The following AGR2 variants were observed in gnomAD, a reference collection of about 807,000 sequenced individuals.
AGR2 encodes anterior gradient protein 2 homolog.
AGR2 carries 27 observed loss-of-function variants against 25.9 expected under a neutral mutation model. That is an observed-to-expected ratio of 1.04 (90% CI 0.77 to 1.44). AGR2 has a LOEUF of 1.44. AGR2 is among the 40% of genes most tolerant of loss of function. The probability of loss-of-function intolerance (pLI) is 0.00; values close to 1 mark genes in which losing one functional copy is unlikely to be tolerated. For missense variants in AGR2, 182 were observed against 200.9 expected (o/e 0.91, Z 0.57); for synonymous variants, 78 against 72.0 (o/e 1.08, Z -0.42).
chr7:16,803,038 C>G (rs1020138715), intron 1 of AGR2: 1 of 152,038 alleles, frequency 6.6e-6, no homozygotes, highest in Non-Finnish European at 1.5e-5. Context: ...TTTTGTCATG[C>G]TGCCCAGGCT....
intron 7 of AGR2, chr7:16,794,630 G>C (rs1785013219): frequency 1.8e-6 from 1 of 562,068 alleles, no homozygotes. Context: ...TTCTGTGATA[G>C]AAGGAGTGTG....
chr7:16,800,170 TAAAC>T (rs752403077), intron 4 of AGR2, among the ~76,000 whole-genome samples: 3 of 152,208 alleles, frequency 2.0e-5, no homozygotes, highest in Admixed American at 6.5e-5. Context: ...AGACAAACCA[TAAAC>T]AAAGAAATAA....
At chr7:16,800,090 T>G (rs1785116105) in intron 4 of AGR2, among the ~76,000 whole-genome samples, 1 of 151,800 alleles carries the variant, frequency 6.6e-6, no homozygotes, top group Non-Finnish European at 1.5e-5. Flanking sequence ...CACTGTGTTC[T>G]GTACTAGGGA....
chr7:16,796,706 TTTA>T (rs1785050562), intron 6 of AGR2, among the ~76,000 whole-genome samples: 1 of 152,208 alleles, frequency 6.6e-6, no homozygotes, highest in African/African-American at 2.4e-5. Context: ...GTGGGAAATA[TTTA>T]TTACATAACC....
chr7:16,794,839 G>A (rs1029427097), intron 7 of AGR2, 97 bp downstream of exon 7: 2 of 1,587,040 alleles, frequency 1.3e-6, no homozygotes, highest in Admixed American at 1.8e-5. Context: ...CCTAAGCCTA[G>A]CTCTCTCTCA....
chr7:16,794,903 T>C, intron 7 of AGR2, 33 bp downstream of exon 7: 1 of 1,613,990 alleles, frequency 6.2e-7, no homozygotes, highest in African/African-American at 1.3e-5. Flanking sequence ...TGTTCAACTC[T>C]TGGGCAACAT....
intron 5 of AGR2, among the ~76,000 whole-genome samples, chr7:16,798,758 C>T (rs921493053): frequency 3.3e-5 from 5 of 152,074 alleles, no homozygotes; most frequent in Non-Finnish European, 5.9e-5. Flanking sequence ...AAGCACAGGG[C>T]TTATTGCATG....
chr7:16,801,156 CTGTG>C lies in AGR2; in HGVS notation c.247_250del (p.His83ValfsTer4), dbSNP rs1414327948. On this transcript the variant is annotated frameshift_variant, in exon 4 of 8. Coordinates refer to ENST00000419304, the MANE Select transcript of AGR2 (RefSeq NM_006408.4). LOFTEE classifies it high-confidence loss of function. ...TACTTAGAAGAATAAATTACCTTGA[CTGTG>C]TGGGCACTCATCCAAGTGATGAATA... 1.2e-6 allele frequency: 2 copies of C among 1,613,374 alleles called. No individual in the cohort carries two copies. Among genetic ancestry groups the C allele is most frequent in the Non-Finnish European group, 1.7e-6 (2 of 1,179,604 alleles).
chr7:16,804,154 A>G (rs532238541), intron 1 of AGR2, among the ~76,000 whole-genome samples: 91 of 152,188 alleles, frequency 6.0e-4, no homozygotes, highest in African/African-American at 2.1e-3. Context: ...GATTCACTCC[A>G]CTGAGTTTTC....
intron 2 of AGR2, 24 bp downstream of exon 2, chr7:16,801,634 A>C: frequency 6.2e-7 from 1 of 1,613,872 alleles, no homozygotes; most frequent in Non-Finnish European, 8.5e-7. Context: ...AGCAGTTGGA[A>C]GCCAACAAGA....
chr7:16,792,690 C>A lies in AGR2; in HGVS notation c.*218G>T. The A allele has an allele frequency of 6.3e-6, 3 of 477,552 alleles. No individual in the cohort carries two copies. The highest frequency in any genetic ancestry group is 3.7e-6 in the Non-Finnish European group (1 of 268,986). The allele number at this position is 477,552 out of a possible 1,614,324, so 29.6% of individuals were successfully genotyped here. A position where few individuals can be genotyped will look rare whatever the true frequency, so the allele number is the denominator to read the frequency against. ...ACATTTATTTTTTTTTTTAGAAAATCATGGCTCACTATGGTAGTATACAAT... is the reference window on the plus strand; with the variant it reads ...ACATTTATTTTTTTTTTTAGAAAATAATGGCTCACTATGGTAGTATACAAT... On this transcript the variant is annotated 3_prime_UTR_variant, in exon 8 of 8. Transcript: ENST00000419304.
rs1452436260 is a variant in AGR2, at chr7:16,801,176, G to C, written c.231C>G (p.His77Gln). The change falls in exon 4 of 8, where the codon CAC (histidine) becomes CAG (glutamine). Residue 77 changes from histidine (H) to glutamine (Q), a missense_variant. Physicochemically the swap from His to Gln is conservative, Grantham distance 24. Transcript: ENST00000419304. ...CTTGACTGTGTGGGCACTCATCCAA[G>C]TGATGAATAATCATCAAGGGTTTGT... ...TSNKPLMIIH[H>Q]LDECPHSQAL... The C allele has an allele frequency of 2.5e-6, 4 of 1,613,770 alleles. No individual in the cohort carries two copies. In the South Asian group the frequency reaches 4.4e-5, roughly 18 times the overall value.
rs868794775 is a variant in AGR2 at position 16,801,804 on chromosome 7, C to G, written c.-7-1G>C. The G allele has an allele frequency of 4.4e-6, 7 of 1,603,840 alleles. No individual in the cohort carries two copies. The highest frequency in any genetic ancestry group is 6.0e-6 in the Non-Finnish European group (7 of 1,173,416). ...CACTGGAATTTTCTCCATGGCAACTCTAGTATGGAAAACCAACCAAAATCA... is the reference window on the plus strand; with the variant it reads ...CACTGGAATTTTCTCCATGGCAACTGTAGTATGGAAAACCAACCAAAATCA... On this transcript the variant is annotated splice_acceptor_variant, in intron 1 of 7. Coordinates refer to ENST00000419304, the MANE Select transcript of AGR2 (RefSeq NM_006408.4). LOFTEE classifies it low-confidence loss of function (5UTR_SPLICE).
intron 6 of AGR2, among the ~76,000 whole-genome samples, chr7:16,796,788 G>A (rs779290778): frequency 5.3e-5 from 8 of 152,106 alleles, no homozygotes; most frequent in African/African-American, 9.7e-5. Context: ...GATTTGACTC[G>A]GTCAATGAAT....
chr7:16,797,884 TGA>T (rs1170024393), intron 5 of AGR2, among the ~76,000 whole-genome samples, 190 bp from the exon 6 acceptor site: 1 of 151,896 alleles, frequency 6.6e-6, no homozygotes, highest in African/African-American at 2.4e-5. Context: ...GAGCAGAACA[TGA>T]GATAAAGTGC....
At chr7:16,795,771 A>G (rs2115353039) in intron 6 of AGR2, among the ~76,000 whole-genome samples, 1 of 152,342 alleles carries the variant, frequency 6.6e-6, no homozygotes, top group South Asian at 2.1e-4. Context: ...AACCTAGGAC[A>G]CGTGCCCTGA....
chr7:16,793,616 A>C (rs1784996846), intron 7 of AGR2, among the ~76,000 whole-genome samples: 2 of 152,242 alleles, frequency 1.3e-5, no homozygotes. Flanking sequence ...GAAGTAGGGG[A>C]AATATAAATA....
chr7:16,799,566 C>G (rs1167144512), intron 5 of AGR2, 178 bp downstream of exon 5: 1 of 527,934 alleles, frequency 1.9e-6, no homozygotes, highest in East Asian at 3.0e-5. Context: ...TAAAAACAGA[C>G]ACACCAAATG....
At chr7:16,795,453 T>A (rs568887918) in intron 6 of AGR2, among the ~76,000 whole-genome samples, 1 of 148,840 alleles carries the variant, frequency 6.7e-6, no homozygotes, top group East Asian at 2.0e-4. Context: ...TCAAAACGAG[T>A]TTTTTAAAAA....
Sources: gnomAD v4.1 joint callset for allele counts (sites outside exome capture counted in the v4.1 genomes callset) on GRCh38, gnomAD v4.1.1 for gene constraint, MANE v1.5 for transcripts, NCBI Gene and HGNC (gene_info 2026-07-23, HGNC 2026-07-21) for gene names.